UNC5B: variants seen among roughly 807,000 people sequenced by gnomAD.
The protein encoded by UNC5B is unc-5 netrin receptor B.
UNC5B carries 56 observed loss-of-function variants against 103.7 expected under a neutral mutation model. The ratio of observed to expected loss-of-function variants is 0.54; its 90% CI spans 0.44 to 0.67. The LOEUF is 0.67. Ranked by LOEUF, UNC5B falls within the 30% of genes least tolerant of loss-of-function variation. The pLI is 0.00. For synonymous variants in UNC5B, 577 were observed against 542.0 expected, an observed-to-expected ratio of 1.06 and a Z score of -0.90; for missense variants, 1,194 against 1,284.5, an observed-to-expected ratio of 0.93 and a Z score of 1.08.
Position 71,271,379 on chromosome 10 carries a change from A to G in UNC5B, c.80-8442A>G, listed in dbSNP as rs1463806758. On this transcript the variant is annotated intron_variant, in intron 1 of 16. Transcript: ENST00000335350. ...ATGCTTATTATCTGCAGGAGCATGG[A>G]TGAAAGGGCTTTGAGCTCCTTGTCT... is the stretch of plus-strand genomic sequence containing the variant. Among the ~76,000 whole-genome samples, 3 of 152,184 alleles carry G rather than the reference A, an allele frequency of 2.0e-5. No homozygotes were observed. The East Asian group carries it at 5.8e-4, about 29-fold the overall frequency.
At chr10:71,245,895 G>A (rs1250113873) in intron 1 of UNC5B, among the ~76,000 whole-genome samples, 1 of 152,190 alleles carries the variant, frequency 6.6e-6, no homozygotes, top group African/African-American at 2.4e-5. Context: ...TGGTCTCAGG[G>A]CAGTCCCAAG....
rs1240457546 is a variant in UNC5B, at chr10:71,212,751, G to C, written c.-235G>C. ...GAGCGCTCAGAGACCCGGAGCCAGA[G>C]GGGCGCGCCGGAGCCTCGTTCGAGA... On this transcript the variant is annotated 5_prime_UTR_variant, in exon 1 of 17. Transcript: ENST00000335350. The C allele has an allele frequency of 2.9e-6, 1 of 348,160 alleles. No homozygotes were observed. The highest frequency in any genetic ancestry group is 5.2e-6 in the Non-Finnish European group (1 of 194,014). The allele number at this position is 348,160 out of a possible 1,614,324, so 21.6% of individuals were successfully genotyped here.
At position 71,291,547 on chromosome 10, in the gene UNC5B, C is replaced by G. The variant is rs868503579; in HGVS notation, c.1410C>G (p.Asn470Lys). Residue 470 changes from asparagine to lysine, a missense_variant, in exon 10 of 17, where the codon AAC becomes AAG. Coordinates refer to ENST00000335350, the MANE Select transcript of UNC5B (RefSeq NM_170744.5). ...QDSTDKIPMT[N>K]SPLLDPLPSL... ...CCACCGACAAAATCCCCATGACCAACTCTCCTCTGCTGGACCCCTTACCCA... is the reference window on the plus strand; with the variant it reads ...CCACCGACAAAATCCCCATGACCAAGTCTCCTCTGCTGGACCCCTTACCCA... The G allele has an allele frequency of 6.2e-7, 1 of 1,614,226 alleles. No homozygotes were observed. Among genetic ancestry groups the G allele is most frequent in the Middle Eastern group, 1.6e-4 (1 of 6,062 alleles).
rs534856234 is a variant in UNC5B at position 71,284,843 on chromosome 10, G to A, written c.428G>A (p.Arg143Gln). 6.2e-6 allele frequency: 10 copies of A among 1,610,716 alleles called. No homozygotes were observed. Among genetic ancestry groups the A allele is most frequent in the South Asian group, 1.1e-5 (1 of 90,742 alleles). Residue 143 changes from arginine to glutamine, a missense_variant, in exon 3 of 17, where the codon CGA becomes CAA. Coordinates refer to ENST00000335350, the MANE Select transcript of UNC5B (RefSeq NM_170744.5). Reference protein sequence around the residue: ...WSSAGTTKSRRAYVRIAYLRK... With the variant: ...WSSAGTTKSRQAYVRIAYLRK... ...TCCGCGGGCACCACCAAGAGTCGCC[G>A]AGCCTACGTCCGCATCGCCTGTACG...
At chr10:71,299,006 C>T (rs1845518218) in intron 16 of UNC5B, 106 bp from the exon 17 acceptor site, 1 of 1,442,122 alleles carries the variant, frequency 6.9e-7, no homozygotes, top group Non-Finnish European at 9.5e-7. Context: ...GACAGTGGGA[C>T]ACCAAAGCTC....
At chr10:71,242,630 G>A (rs780958084) in intron 1 of UNC5B, among the ~76,000 whole-genome samples, 1 of 152,174 alleles carries the variant, frequency 6.6e-6, no homozygotes, top group South Asian at 2.1e-4. Context: ...GCCATTGTCC[G>A]TGTGAGACCC....
chr10:71,272,877 CTGTT>C (rs112300355), intron 1 of UNC5B, among the ~76,000 whole-genome samples: 96 of 150,570 alleles, frequency 6.4e-4, no homozygotes, highest in East Asian at 5.7e-3. Context: ...CATGCACTGC[CTGTT>C]TGTTTGTTTG....
In UNC5B at chr10:71,288,750, TGG is replaced by T. The variant is rs1564511076; in HGVS notation, c.1066+21_1066+22del. ...CATGCAAAGTGAGTCACAGGGAAGG[TGG>T]GGCCCTGGGGGTGGGGACTCTGGAG... On this transcript the variant is annotated intron_variant, in intron 7 of 16. Transcript: ENST00000335350. The T allele has an allele frequency of 6.3e-7, 1 of 1,592,096 alleles. No homozygotes were observed. Among genetic ancestry groups the T allele is most frequent in the East Asian group, 2.3e-5 (1 of 44,416 alleles).
chr10:71,269,246 T>C (rs951968468), intron 1 of UNC5B, among the ~76,000 whole-genome samples: 1 of 151,992 alleles, frequency 6.6e-6, no homozygotes, highest in African/African-American at 2.4e-5. Flanking sequence ...TTCATCTTTT[T>C]TTTTTCTAGA....
rs1008668981 is a variant in UNC5B, at chr10:71,287,195, C to A, written c.733+326C>A. On this transcript the variant is annotated intron_variant, in intron 5 of 16. Coordinates refer to ENST00000335350, the MANE Select transcript of UNC5B (RefSeq NM_170744.5). ...CCATTGCCCAGGCTTGTGAGCTATT[C>A]TCTGCTGCCCCCTTGGGCCCTATGG... Among the ~76,000 whole-genome samples, 3 of 152,236 alleles carry A rather than the reference C, an allele frequency of 2.0e-5. No individual in the cohort carries two copies. The South Asian group carries it at 6.2e-4, about 32-fold the overall frequency.
intron 1 of UNC5B, among the ~76,000 whole-genome samples, chr10:71,250,324 C>T (rs989044647): frequency 2.6e-5 from 4 of 152,236 alleles, no homozygotes; most frequent in African/African-American, 9.6e-5. Context: ...ATGAGCTAGG[C>T]CCCTTCTGGA....
Position 71,293,815 on chromosome 10 carries a change from CCT to C in UNC5B, c.2058_2059del (p.Tyr687PhefsTer73). ...GGCACCTACGTGTTCACGGGCGAGT[CCT>C]ATTCCCGCTCAGCAGTCAAGCGGCT... On this transcript the variant is annotated frameshift_variant, in exon 13 of 17. Coordinates refer to ENST00000335350, the MANE Select transcript of UNC5B (RefSeq NM_170744.5). LOFTEE classifies it high-confidence loss of function. 6.2e-7 allele frequency: 1 copy of C among 1,611,206 alleles called. No homozygotes were observed. Among genetic ancestry groups the C allele is most frequent in the Non-Finnish European group, 8.5e-7 (1 of 1,179,070 alleles).
rs1845258720 is a variant in UNC5B, at chr10:71,291,548, TCTC to T, written c.1415_1417del (p.Pro472del). On this transcript the variant is annotated inframe_deletion, in exon 10 of 17. Coordinates refer to ENST00000335350, the MANE Select transcript of UNC5B (RefSeq NM_170744.5). ...CACCGACAAAATCCCCATGACCAAC[TCTC>T]CTCTGCTGGACCCCTTACCCAGCCT... 1 of 1,613,998 alleles carries T rather than the reference TCTC, an allele frequency of 6.2e-7. No individual in the cohort carries two copies. The highest frequency in any genetic ancestry group is 1.3e-5 in the African/African-American group (1 of 74,974).
chr10:71,266,359 G>A (rs1281806491), intron 1 of UNC5B, among the ~76,000 whole-genome samples: 1 of 152,040 alleles, frequency 6.6e-6, no homozygotes, highest in Non-Finnish European at 1.5e-5. Flanking sequence ...GCCCCTCCTG[G>A]AGGAGCCCTC....
chr10:71,273,987 A>G (rs1315163839), intron 1 of UNC5B, among the ~76,000 whole-genome samples: 4 of 152,230 alleles, frequency 2.6e-5, no homozygotes, highest in African/African-American at 9.6e-5. Flanking sequence ...TTTGGATAAG[A>G]CAGACTGGGG....
At position 71,296,968 on chromosome 10, in the gene UNC5B, C is replaced by T. The variant is rs547661254; in HGVS notation, c.2490+226C>T. Among the ~76,000 whole-genome samples the T allele has an allele frequency of 8.5e-5, 12 of 141,956 alleles. No homozygotes were observed. In the East Asian group the frequency reaches 1.5e-3, roughly 18 times the overall value. 93.1% of individuals were successfully genotyped at this position (141,956 alleles called of 152,430 possible). On this transcript the variant is annotated intron_variant, in intron 15 of 16. Transcript: ENST00000335350. ...GTGAGGGAAGGGCGGCCAGATATTC[C>T]GGCTGCACACCACTCTGGTGGAGGT...
At chr10:71,218,978 T>C (rs150357424) in intron 1 of UNC5B, among the ~76,000 whole-genome samples, 2,519 of 152,208 alleles carry the variant, frequency 0.017, 28 homozygotes, top group Non-Finnish European at 0.026. Context: ...GTTACAACTT[T>C]CTTGGTCACA....
intron 1 of UNC5B, among the ~76,000 whole-genome samples, chr10:71,248,890 C>G (rs1422154728): frequency 1.4e-5 from 2 of 148,018 alleles, no homozygotes; most frequent in Non-Finnish European, 3.0e-5. Context: ...CACACACACA[C>G]ACACACACTC....
intron 13 of UNC5B, among the ~76,000 whole-genome samples, chr10:71,295,355 T>C (rs1325214222): frequency 7.1e-6 from 1 of 140,976 alleles, no homozygotes; most frequent in African/African-American, 2.9e-5. Flanking sequence ...TCCATCCATC[T>C]GTCCATCTGT....
Sources: gnomAD v4.1 joint callset for allele counts (sites outside exome capture counted in the v4.1 genomes callset) on GRCh38, gnomAD v4.1.1 for gene constraint, MANE v1.5 for transcripts, NCBI Gene and HGNC (gene_info 2026-07-23, HGNC 2026-07-21) for gene names.